CLOCK: variants seen among roughly 807,000 people sequenced by gnomAD.
The protein encoded by CLOCK is clock circadian regulator, also known as circadian locomoter output cycles protein kaput.
Under a neutral mutation model 118.4 loss-of-function variants are expected in CLOCK, and 43 were observed. That is an observed-to-expected ratio of 0.36 (90% CI 0.28 to 0.47). CLOCK has a LOEUF of 0.47. CLOCK is among the 20% of genes least tolerant of loss of function. The probability of loss-of-function intolerance (pLI) is 1.00; values close to 1 mark genes in which losing one functional copy is unlikely to be tolerated. For missense variants in CLOCK, 846 were observed against 999.9 expected, an observed-to-expected ratio of 0.85 and a Z score of 2.08; for synonymous variants, 326 against 339.2, an observed-to-expected ratio of 0.96 and a Z score of 0.43.
intron 8 of CLOCK, among the ~76,000 whole-genome samples, chr4:55,470,397 C>A (rs971645005): frequency 6.6e-6 from 1 of 152,122 alleles, no homozygotes; most frequent in Non-Finnish European, 1.5e-5. Flanking sequence ...GCTATATATA[C>A]CATATAGCCT....
intron 1 of CLOCK, among the ~76,000 whole-genome samples, chr4:55,531,380 A>ACCT (rs1376437744): frequency 0.028 from 4,226 of 152,180 alleles, 203 homozygotes; most frequent in African/African-American, 0.097. Context: ...AAAGCCTAGG[A>ACCT]GGCTTTACTG....
At chr4:55,454,240 G>A (rs1724726813) in intron 13 of CLOCK, among the ~76,000 whole-genome samples, 1 of 152,200 alleles carries the variant, frequency 6.6e-6, no homozygotes. Flanking sequence ...AACTGAGTCT[G>A]AAGTAACTGA....
At chr4:55,518,208 A>C (rs537028232) in intron 1 of CLOCK, among the ~76,000 whole-genome samples, 1 of 152,286 alleles carries the variant, frequency 6.6e-6, no homozygotes, top group South Asian at 2.1e-4. Context: ...ATGAAGAGAA[A>C]GTTAAATAAG....
intron 2 of CLOCK, among the ~76,000 whole-genome samples, chr4:55,494,154 A>G (rs922429176): frequency 1.3e-5 from 2 of 152,146 alleles, no homozygotes; most frequent in Non-Finnish European, 2.9e-5. Context: ...TAAAACCTGA[A>G]GGTGGAGGGA....
Position 55,510,712 on chromosome 4 carries a change from C to G in CLOCK, c.-289-647G>C, listed in dbSNP as rs1020412569. The stretch of plus-strand genomic sequence containing the variant: ...ATGTGTATGATCTAGCCAAATAAAG[C>G]AAGAGGGAAGAGGTGAGAAAGAAAA... On this transcript the variant is annotated intron_variant, in intron 1 of 22. Transcript: ENST00000513440. Among the ~76,000 whole-genome samples, 3 of 145,460 alleles carry G rather than the reference C, an allele frequency of 2.1e-5. No individual in the cohort carries two copies. The East Asian group carries it at 6.0e-4, about 29-fold the overall frequency.
chr4:55,455,863 G>A (rs763849641), intron 13 of CLOCK, 34 bp downstream of exon 13: 5 of 1,375,622 alleles, frequency 3.6e-6, no homozygotes, highest in Non-Finnish European at 4.2e-6. Context: ...TTATAAAACA[G>A]TTATTATCAC....
intron 1 of CLOCK, among the ~76,000 whole-genome samples, chr4:55,527,286 A>C (rs975233123): frequency 1.3e-5 from 2 of 152,180 alleles, no homozygotes; most frequent in African/African-American, 4.8e-5. Flanking sequence ...AGAGTTGTTG[A>C]GTAAATAAAT....
chr4:55,492,357 T>TATAAAA (rs1553898597), intron 2 of CLOCK, among the ~76,000 whole-genome samples: 1 of 141,768 alleles, frequency 7.1e-6, no homozygotes, highest in African/African-American at 2.6e-5. Flanking sequence ...CTATTCATGA[T>TATAAAA]AAAAAAAAAA....
At chr4:55,498,047 G>C (rs866003538) in intron 2 of CLOCK, among the ~76,000 whole-genome samples, 2 of 151,598 alleles carry the variant, frequency 1.3e-5, no homozygotes, top group South Asian at 2.1e-4. Flanking sequence ...GGACCTCTTA[G>C]GAAATCGGAT....
At chr4:55,464,602 G>A (rs1478773319) in intron 8 of CLOCK, among the ~76,000 whole-genome samples, 1 of 152,182 alleles carries the variant, frequency 6.6e-6, no homozygotes, top group African/African-American at 2.4e-5. Context: ...GGACTAGAGG[G>A]TGGGGAAGTA....
intron 8 of CLOCK, among the ~76,000 whole-genome samples, chr4:55,464,327 T>C (rs927574547): frequency 1.3e-5 from 2 of 152,236 alleles, no homozygotes; most frequent in African/African-American, 4.8e-5. Context: ...GGACAACTAA[T>C]ATGTTAAGCA....
chr4:55,465,484 G>C (rs1274923705), intron 8 of CLOCK, among the ~76,000 whole-genome samples: 1 of 152,056 alleles, frequency 6.6e-6, no homozygotes, highest in Non-Finnish European at 1.5e-5. Flanking sequence ...CTTCCAATCA[G>C]GGCACATTAA....
chr4:55,455,843 G>A (rs1724881938), intron 13 of CLOCK, 54 bp downstream of exon 13: 2 of 1,159,776 alleles, frequency 1.7e-6, no homozygotes, highest in East Asian at 4.7e-5. Flanking sequence ...TTTCAGGACA[G>A]GACTTCTGCT....
At chr4:55,436,892 CTTTTT>C (rs35888413) in intron 22 of CLOCK, among the ~76,000 whole-genome samples, 4 of 98,366 alleles carry the variant, frequency 4.1e-5, no homozygotes, top group South Asian at 8.1e-4. Context: ...TTTGGGATGC[CTTTTT>C]TTTTTTTTTT....
At chr4:55,529,319 C>A (rs1730394624) in intron 1 of CLOCK, among the ~76,000 whole-genome samples, 1 of 151,992 alleles carries the variant, frequency 6.6e-6, no homozygotes, top group African/African-American at 2.4e-5. Context: ...TGACCATGCT[C>A]AACTAATATT....
intron 1 of CLOCK, among the ~76,000 whole-genome samples, chr4:55,521,216 CTATT>C (rs936466091): frequency 1.3e-4 from 20 of 151,988 alleles, no homozygotes; most frequent in Non-Finnish European, 2.6e-4. Flanking sequence ...ATTCAAATTT[CTATT>C]TTTTTTGTGT....
intron 2 of CLOCK, among the ~76,000 whole-genome samples, chr4:55,509,500 T>C (rs1205809047): frequency 2.0e-5 from 3 of 152,204 alleles, no homozygotes; most frequent in Non-Finnish European, 2.9e-5. Context: ...AGTGAAGGCC[T>C]GCTTGTAAAG....
At chr4:55,466,046 T>A (rs1256618224) in intron 8 of CLOCK, among the ~76,000 whole-genome samples, 1 of 152,138 alleles carries the variant, frequency 6.6e-6, no homozygotes, top group South Asian at 2.1e-4. Flanking sequence ...GTATATGATA[T>A]TGATGCAAAA....
chr4:55,508,288 C>T (rs6837710), intron 2 of CLOCK, among the ~76,000 whole-genome samples: 108,686 of 152,078 alleles, frequency 0.71, 39,366 homozygotes, highest in African/African-American at 0.82. Context: ...AAAAACAGAG[C>T]AGCATACTAA....
Sources: gnomAD v4.1 joint callset for allele counts (sites outside exome capture counted in the v4.1 genomes callset) on GRCh38, gnomAD v4.1.1 for gene constraint, MANE v1.5 for transcripts, NCBI Gene and HGNC (gene_info 2026-07-23, HGNC 2026-07-21) for gene names.